The following GALNS variants were observed in gnomAD, a reference collection of about 807,000 sequenced individuals.
The protein encoded by GALNS is N-acetylgalactosamine-6-sulfatase.
A neutral mutation model predicts 65.9 loss-of-function variants in GALNS; 65 were observed. The observed-to-expected ratio is 0.99, with a 90% CI of 0.81 to 1.21. GALNS has a LOEUF of 1.21. Among genes scored for constraint, GALNS ranks in the 50% most tolerant of loss-of-function variants. GALNS has a pLI of 0.00. For missense variants in GALNS, 776 were observed against 700.7 expected, an observed-to-expected ratio of 1.11 and a Z score of -1.21; for synonymous variants, 346 against 288.9, an observed-to-expected ratio of 1.20 and a Z score of -2.00.
intron 1 of GALNS, chr16:88,855,640 T>TA (rs1967793590): frequency 9.9e-6 from 6 of 607,888 alleles, no homozygotes; most frequent in Middle Eastern, 4.2e-4. Flanking sequence ...ATCTTTATGT[T>TA]AAAAAACCAT....
At chr16:88,816,069 C>T (rs1243080447) in intron 13 of GALNS, 6 of 985,334 alleles carry the variant, frequency 6.1e-6, no homozygotes, top group East Asian at 1.1e-4. Context: ...GCTCTGCTCA[C>T]GGTGGCATCT....
chr16:88,841,722 G>C (rs1966980536), intron 3 of GALNS, among the ~76,000 whole-genome samples, 175 bp downstream of exon 3: 1 of 152,166 alleles, frequency 6.6e-6, no homozygotes, highest in South Asian at 2.1e-4. Flanking sequence ...GGCCAGGGCA[G>C]GGAAGGAAGC....
chr16:88,826,450 G>A (rs905449295), intron 10 of GALNS, among the ~76,000 whole-genome samples: 17 of 152,114 alleles, frequency 1.1e-4, no homozygotes, highest in Non-Finnish European at 2.1e-4. Context: ...TCCTGGCCTT[G>A]CCCTCCCTCC....
chr16:88,853,694 C>T (rs1344542359), intron 1 of GALNS, among the ~76,000 whole-genome samples: 1 of 152,236 alleles, frequency 6.6e-6, no homozygotes, highest in Non-Finnish European at 1.5e-5. Context: ...CCCTGGAGAG[C>T]AGAGTGGGCC....
At chr16:88,830,361 A>G (rs1911373021) in intron 9 of GALNS, among the ~76,000 whole-genome samples, 1 of 151,884 alleles carries the variant, frequency 6.6e-6, no homozygotes. Flanking sequence ...GGGAAAAGGC[A>G]GGGAACAGAA....
At chr16:88,852,938 G>C (rs1967575687) in intron 1 of GALNS, among the ~76,000 whole-genome samples, 4 of 150,016 alleles carry the variant, frequency 2.7e-5, no homozygotes, top group Admixed American at 2.7e-4. Context: ...CTGGGTGACA[G>C]AGCCAGACCT....
chr16:88,851,073 C>T (rs1455668738), intron 1 of GALNS, among the ~76,000 whole-genome samples: 1 of 152,154 alleles, frequency 6.6e-6, no homozygotes, highest in East Asian at 2.0e-4. Context: ...ATCTGCTGAC[C>T]CTGTTCTTTC....
At chr16:88,834,712 G>A (rs1032665205) in intron 8 of GALNS, among the ~76,000 whole-genome samples, 3 of 151,874 alleles carry the variant, frequency 2.0e-5, no homozygotes, top group Non-Finnish European at 4.4e-5. Context: ...CATCAGTGCC[G>A]AGCGGGGGAA....
chr16:88,819,667 G>A (rs1247200498), intron 12 of GALNS, among the ~76,000 whole-genome samples: 2 of 152,040 alleles, frequency 1.3e-5, no homozygotes, highest in Non-Finnish European at 2.9e-5. Context: ...TGAGTAGCTG[G>A]GACCATAGAT....
rs794726887 is a variant in GALNS at position 88,856,766 on chromosome 16, TGAGCAG to T, written c.106_111del (p.Leu36_Leu37del). The T allele has an allele frequency of 2.7e-6, 4 of 1,466,912 alleles. No individual in the cohort carries two copies. The East Asian group carries it at 8.5e-5, about 31-fold the overall frequency. The allele number at this position is 1,466,912 out of a possible 1,614,324, so 90.9% of individuals were successfully genotyped here. ...CCACCGCCCGCACTCACGTCGTCCA[TGAGCAG>T]GAGCAGGATGTTGGGGGGCTGCGGG... On this transcript the variant is annotated inframe_deletion, in exon 1 of 14. Coordinates refer to ENST00000268695, the MANE Select transcript of GALNS (RefSeq NM_000512.5).
rs759071255 is a variant in GALNS at position 88,818,096 on chromosome 16, G to A, written c.1393C>T (p.Leu465Phe). 1.3e-6 allele frequency: 2 copies of A among 1,573,422 alleles called. No individual in the cohort carries two copies. The highest frequency in any genetic ancestry group is 1.7e-6 in the Non-Finnish European group (2 of 1,166,388). ...TGGACGACCGAGGTGATCCTGCTGA[G>A]GGCCTCCTGGTACTCGGCGCTGGCA... ...SFASAEYQEALSRITSVVQQH... is the reference protein window; with the variant it reads ...SFASAEYQEAFSRITSVVQQH... Residue 465 changes from leucine (L) to phenylalanine (F), a missense_variant, in exon 13 of 14, where the codon CTC becomes TTC. By Grantham distance (22) the Leu-to-Phe change is conservative. Transcript: ENST00000268695.
chr16:88,825,885 G>A (rs957181758), intron 10 of GALNS, among the ~76,000 whole-genome samples: 2 of 152,190 alleles, frequency 1.3e-5, no homozygotes, highest in African/African-American at 4.8e-5. Context: ...GGCGGCAGCT[G>A]CCTTGGGCCG....
chr16:88,843,534 C>T (rs1240707639), intron 1 of GALNS: 1 of 271,974 alleles, frequency 3.7e-6, no homozygotes, highest in Non-Finnish European at 7.4e-6. Context: ...GATGAGGTCA[C>T]GCTGGGCCAG....
chr16:88,855,768 G>C, intron 1 of GALNS: 1 of 541,910 alleles, frequency 1.8e-6, no homozygotes, highest in Non-Finnish European at 3.3e-6. Context: ...CGACTGCCCA[G>C]CCCTTGGGTG....
intron 13 of GALNS, among the ~76,000 whole-genome samples, chr16:88,814,849 T>C (rs1173680975): frequency 6.6e-6 from 1 of 152,206 alleles, no homozygotes; most frequent in African/African-American, 2.4e-5. Flanking sequence ...TCCACCTGCC[T>C]TGGCCTCCCA....
chr16:88,817,908 G>A (rs1231851716), intron 13 of GALNS, 99 bp downstream of exon 13: 8 of 1,011,244 alleles, frequency 7.9e-6, no homozygotes, highest in East Asian at 2.6e-5. Context: ...GGGGAAGCAC[G>A]CCTGCCTCTG....
At chr16:88,847,350 AACAG>A (rs751001170) in intron 1 of GALNS, among the ~76,000 whole-genome samples, 104 of 152,266 alleles carry the variant, frequency 6.8e-4, no homozygotes, top group Non-Finnish European at 1.3e-3. Context: ...CAGCCTAGGT[AACAG>A]ACAGAGAACC....
chr16:88,833,663 G>T lies in GALNS; in HGVS notation c.898+1550C>A, dbSNP rs185921943. Among the ~76,000 whole-genome samples, 965 of 152,008 alleles carry T rather than the reference G, an allele frequency of 6.3e-3. 3 individuals are homozygous for T. The highest frequency in any genetic ancestry group is 9.5e-3 in the Non-Finnish European group (643 of 67,970). ...GATGGGGTTTCACCGTGTTAGCCAGGATGGTCTCGACCTCCTGACCTCGTG... is the reference window on the plus strand; with the variant it reads ...GATGGGGTTTCACCGTGTTAGCCAGTATGGTCTCGACCTCCTGACCTCGTG... On this transcript the variant is annotated intron_variant, in intron 8 of 13. Transcript: ENST00000268695.
Position 88,856,782 on chromosome 16 carries a change from G to A in GALNS, c.96C>T (p.Asn32=). ...MGASGAPQPP[N]ILLLLMDDMG... ...CGTCGTCCATGAGCAGGAGCAGGAT[G>A]TTGGGGGGCTGCGGGGCGCCCGAGG... The change falls in exon 1 of 14, where the codon AAC becomes AAT. Residue 32 remains asparagine, a synonymous_variant. Coordinates refer to ENST00000268695, the MANE Select transcript of GALNS (RefSeq NM_000512.5). The A allele has an allele frequency of 1.3e-6, 2 of 1,544,462 alleles. No homozygotes were observed. Among genetic ancestry groups the A allele is most frequent in the South Asian group, 2.4e-5 (2 of 84,568 alleles).
Sources: allele counts gnomAD v4.1 joint callset (sites outside exome capture counted in the v4.1 genomes callset), GRCh38; gene constraint gnomAD v4.1.1; transcripts MANE v1.5; gene names NCBI Gene and HGNC (gene_info 2026-07-23, HGNC 2026-07-21).